The following ADGRE2 variants were observed in gnomAD, a reference collection of about 807,000 sequenced individuals.
The protein encoded by ADGRE2 is CD97 antigen.
Under a neutral mutation model 100.8 loss-of-function variants are expected in ADGRE2, and 83 were observed. That is an observed-to-expected ratio of 0.82 (90% confidence interval 0.69 to 0.99). The LOEUF is 0.99. Ranked by LOEUF, ADGRE2 falls within the 50% of genes least tolerant of loss-of-function variation. ADGRE2 has a pLI of 0.00. For missense variants in ADGRE2, 814 were observed against 1,035.7 expected (o/e 0.79, Z 2.94); for synonymous variants, 355 against 413.0 (o/e 0.86, Z 1.70).
intron 20 of ADGRE2, 71 bp from the exon 21 acceptor site, chr19:14,736,315 G>T (rs948373529): frequency 5.8e-6 from 6 of 1,026,188 alleles, no homozygotes; most frequent in Non-Finnish European, 8.8e-6. Context: ...GGGCTGGAGT[G>T]CAATGGCGCA....
intron 1 of ADGRE2, among the ~76,000 whole-genome samples, chr19:14,777,594 A>G: frequency 6.6e-6 from 1 of 152,066 alleles, no homozygotes; most frequent in East Asian, 1.9e-4. Context: ...TGCTGCACCT[A>G]TCAACTCGTC....
chr19:14,753,688 G>T (rs1482240472), intron 14 of ADGRE2, among the ~76,000 whole-genome samples: 3 of 152,008 alleles, frequency 2.0e-5, no homozygotes, highest in African/African-American at 7.3e-5. Flanking sequence ...CAGCTACTCA[G>T]GAGGCTGAGG....
chr19:14,743,562 C>T, intron 19 of ADGRE2, 32 bp from the exon 20 acceptor site: 2 of 1,613,666 alleles, frequency 1.2e-6, no homozygotes, highest in Non-Finnish European at 1.7e-6. Flanking sequence ...TGGGTCAGCT[C>T]ACAGAGAGCA....
In ADGRE2 at chr19:14,734,947, A is replaced by G. The variant is rs950053694; in HGVS notation, c.*1289T>C. Reference sequence around the variant, plus strand: ...ATGCAAATGAGCTTTGGCTGACACTATGTTGCCTGCTTTTTACTGTACACA... The same window carrying G: ...ATGCAAATGAGCTTTGGCTGACACTGTGTTGCCTGCTTTTTACTGTACACA... On this transcript the variant is annotated 3_prime_UTR_variant, in exon 21 of 21. Transcript: ENST00000315576. 6.6e-6 allele frequency: 1 copy of G among 152,136 alleles called. No homozygotes were observed. Among genetic ancestry groups the G allele is most frequent in the African/African-American group, 2.4e-5 (1 of 41,398 alleles). 9.4% of individuals were successfully genotyped at this position (152,136 alleles called of 1,614,324 possible).
intron 20 of ADGRE2, among the ~76,000 whole-genome samples, chr19:14,740,984 G>A (rs970326959): frequency 2.6e-5 from 4 of 151,832 alleles, no homozygotes; most frequent in Non-Finnish European, 2.9e-5. Context: ...CGATCCTCTC[G>A]CCTCCCAAGT....
chr19:14,763,059 C>T (rs1490853147), intron 11 of ADGRE2, among the ~76,000 whole-genome samples: 2 of 152,034 alleles, frequency 1.3e-5, no homozygotes, highest in Admixed American at 6.6e-5. Context: ...TTATGCAGGC[C>T]GGGCGTGGTG....
At chr19:14,732,052 C>A (rs898328212), downstream of ADGRE2, 2 of 152,172 alleles carry the variant, frequency 1.3e-5, no homozygotes, top group African/African-American at 2.4e-5. Context: ...TCTTACAAAT[C>A]ATCAATATTC....
intron 6 of ADGRE2, among the ~76,000 whole-genome samples, 190 bp downstream of exon 6, chr19:14,766,788 G>A (rs1435237928): frequency 6.6e-6 from 1 of 152,220 alleles, no homozygotes; most frequent in Non-Finnish European, 1.5e-5. Context: ...AAGCCCTGAA[G>A]GCCCTGCCGC....
At chr19:14,729,915 T>G (rs2042656946), downstream of ADGRE2, among the ~76,000 whole-genome samples, 1 of 152,194 alleles carries the variant, frequency 6.6e-6, no homozygotes, top group South Asian at 2.1e-4. Flanking sequence ...AAAATGCCAG[T>G]GGGATCCCTG....
At chr19:14,727,742 C>T (rs2147044937), downstream of ADGRE2, among the ~76,000 whole-genome samples, 3 of 151,862 alleles carry the variant, frequency 2.0e-5, no homozygotes, top group Middle Eastern at 6.8e-3. Flanking sequence ...GATTTACAAA[C>T]TTAAGAGTCC....
intron 1 of ADGRE2, chr19:14,777,197 C>A: frequency 1.8e-6 from 1 of 547,920 alleles, no homozygotes; most frequent in Non-Finnish European, 2.3e-6. Flanking sequence ...CTTCCCTGGG[C>A]AGGCACGCAG....
rs1042747111 is a variant in ADGRE2 at position 14,733,565 on chromosome 19, C to T, written c.*2671G>A. On this transcript the variant is annotated 3_prime_UTR_variant, in exon 21 of 21. Transcript: ENST00000315576. ...GAAAAATGTATAAAAGCAAACACACCACTCTCCCTCCCATATAAGCACAAC... is the reference window on the plus strand; with the variant it reads ...GAAAAATGTATAAAAGCAAACACACTACTCTCCCTCCCATATAAGCACAAC... The T allele has an allele frequency of 6.7e-6, 1 of 150,304 alleles. No individual in the cohort carries two copies. Among genetic ancestry groups the T allele is most frequent in the African/African-American group, 2.4e-5 (1 of 41,002 alleles). 9.3% of individuals were successfully genotyped at this position (150,304 alleles called of 1,614,324 possible). A position where few individuals can be genotyped will look rare whatever the true frequency, so the allele number is the denominator to read the frequency against.
Position 14,735,681 on chromosome 19 carries a change from C to G in ADGRE2, c.*555G>C, listed in dbSNP as rs887026397. The G allele has an allele frequency of 6.6e-6, 1 of 152,180 alleles. No individual in the cohort carries two copies. Among genetic ancestry groups the G allele is most frequent in the Admixed American group, 6.6e-5 (1 of 15,264 alleles). 9.4% of individuals were successfully genotyped at this position (152,180 alleles called of 1,614,324 possible). ...TAGCTGCAAGAGCCACTTCATTTTC[C>G]CCTAAAAGCTCCATGAAGGCAGGAG... On this transcript the variant is annotated 3_prime_UTR_variant, in exon 21 of 21. Coordinates refer to ENST00000315576, the MANE Select transcript of ADGRE2 (RefSeq NM_013447.4).
intron 10 of ADGRE2, 48 bp downstream of exon 10, chr19:14,765,272 T>G: frequency 5.0e-6 from 8 of 1,608,508 alleles, no homozygotes; most frequent in Non-Finnish European, 6.0e-6. Context: ...CTCTGTGGGA[T>G]GCAGCCACCT....
intron 11 of ADGRE2, among the ~76,000 whole-genome samples, chr19:14,762,416 G>T (rs2043759228): frequency 1.3e-5 from 2 of 152,122 alleles, no homozygotes; most frequent in Non-Finnish European, 2.9e-5. Flanking sequence ...TTCCATTTAT[G>T]TGAGATATCC....
intron 5 of ADGRE2, among the ~76,000 whole-genome samples, chr19:14,770,906 C>T (rs1427995673): frequency 3.3e-5 from 5 of 152,022 alleles, no homozygotes; most frequent in African/African-American, 1.2e-4. Context: ...TCTTGAACTC[C>T]TGACCTCAGG....
chr19:14,774,453 T>C, intron 2 of ADGRE2, 147 bp from the exon 3 acceptor site: 1 of 1,435,756 alleles, frequency 7.0e-7, no homozygotes, highest in Non-Finnish European at 9.5e-7. Flanking sequence ...AGATGTCACG[T>C]CCCACTCGGA....
chr19:14,767,612 A>G (rs1172412794), intron 5 of ADGRE2, among the ~76,000 whole-genome samples: 1 of 152,088 alleles, frequency 6.6e-6, no homozygotes, highest in Non-Finnish European at 1.5e-5. Context: ...TGTTGTTCAG[A>G]TATGGCTGGA....
At chr19:14,765,591 G>C (rs182056902) in intron 8 of ADGRE2, 21 bp from the exon 9 acceptor site, 2 of 1,614,304 alleles carry the variant, frequency 1.2e-6, no homozygotes, top group Admixed American at 1.7e-5. Flanking sequence ...CAAGACAAGC[G>C]GCTCATTAGG....
Sources: gnomAD v4.1 joint callset for allele counts (sites outside exome capture counted in the v4.1 genomes callset) on GRCh38, gnomAD v4.1.1 for gene constraint, MANE v1.5 for transcripts, NCBI Gene and HGNC (gene_info 2026-07-23, HGNC 2026-07-21) for gene names.